Variants in EYS observed in about 807,000 individuals in gnomAD.
EYS encodes protein eyes shut homolog.
Under a neutral mutation model 282.1 loss-of-function variants are expected in EYS, and 250 were observed. The observed-to-expected ratio is 0.89, with a 90% CI of 0.80 to 0.98. The LOEUF is 0.98. EYS is among the 50% of genes least tolerant of loss of function. The probability of loss-of-function intolerance (pLI) is 0.00; values close to 1 mark genes in which losing one functional copy is unlikely to be tolerated. For synonymous variants in EYS, 1,355 were observed against 1,282.9 expected, an observed-to-expected ratio of 1.06 and a Z score of -1.20; for missense variants, 4,016 against 3,709.0, an observed-to-expected ratio of 1.08 and a Z score of -2.15.
chr6:63,870,852 G>T (rs1772783380), intron 35 of EYS, among the ~76,000 whole-genome samples: 1 of 152,152 alleles, frequency 6.6e-6, no homozygotes, highest in Non-Finnish European at 1.5e-5. Flanking sequence ...TAGAGATGAA[G>T]TTAGGTGCAC....
intron 29 of EYS, among the ~76,000 whole-genome samples, chr6:64,327,312 G>A (rs950683348): frequency 1.1e-4 from 17 of 152,072 alleles, no homozygotes; most frequent in African/African-American, 3.9e-4. Context: ...GAGTGAAAGT[G>A]AGAGTGAAAG....
chr6:64,543,591 A>T (rs1255321445), intron 26 of EYS, among the ~76,000 whole-genome samples: 2 of 152,164 alleles, frequency 1.3e-5, no homozygotes, highest in African/African-American at 4.8e-5. Flanking sequence ...AATGTTTGCT[A>T]GTAAAATTAA....
At chr6:63,895,569 T>G (rs2149727745) in intron 35 of EYS, among the ~76,000 whole-genome samples, 1 of 152,356 alleles carries the variant, frequency 6.6e-6, no homozygotes, top group South Asian at 2.1e-4. Flanking sequence ...TTAAGATTAA[T>G]GTTGGGTTTT....
chr6:63,941,316 C>T (rs1036824580), intron 35 of EYS, among the ~76,000 whole-genome samples: 5 of 152,134 alleles, frequency 3.3e-5, no homozygotes, highest in African/African-American at 1.2e-4. Flanking sequence ...TAAAAGTATT[C>T]CTATTTCTCC....
intron 24 of EYS, among the ~76,000 whole-genome samples, chr6:64,599,494 C>T (rs893764883): frequency 2.6e-5 from 4 of 152,056 alleles, no homozygotes; most frequent in Non-Finnish European, 5.9e-5. Context: ...TTAAAGAAGA[C>T]AAGCAAATTT....
At chr6:65,047,454 C>T (rs1398116451) in intron 13 of EYS, among the ~76,000 whole-genome samples, 1 of 151,710 alleles carries the variant, frequency 6.6e-6, no homozygotes, top group Non-Finnish European at 1.5e-5. Flanking sequence ...GCTCTAAGTC[C>T]CAAATATTTT....
chr6:64,349,301 TATA>T (rs1771528619), intron 29 of EYS, among the ~76,000 whole-genome samples: 1 of 151,206 alleles, frequency 6.6e-6, no homozygotes, highest in Non-Finnish European at 1.5e-5. Context: ...ACAAATGACA[TATA>T]ATATGTATTT....
intron 31 of EYS, among the ~76,000 whole-genome samples, chr6:64,153,212 T>C (rs934844611): frequency 5.3e-5 from 8 of 152,140 alleles, no homozygotes; most frequent in African/African-American, 1.9e-4. Flanking sequence ...AGATGTTAAA[T>C]TTTTTGTGCA....
rs981805667 is a variant in EYS at position 65,071,935 on chromosome 6, T to C, written c.2024-14208A>G. Among the ~76,000 whole-genome samples the C allele has an allele frequency of 3.3e-5, 5 of 151,804 alleles. No individual in the cohort carries two copies. The South Asian group carries it at 1.0e-3, about 31-fold the overall frequency. On this transcript the variant is annotated intron_variant, in intron 12 of 42. Coordinates refer to ENST00000503581, the MANE Select transcript of EYS (RefSeq NM_001142800.2). ...CTTGATGAGGAATTGCATCCCTTTT[T>C]GCTCTTTCATCTTCTGAACCTACTA... is the stretch of plus-strand genomic sequence containing the variant.
chr6:64,873,038 A>G (rs1184455400), intron 19 of EYS, among the ~76,000 whole-genome samples: 1 of 152,112 alleles, frequency 6.6e-6, no homozygotes, highest in Non-Finnish European at 1.5e-5. Flanking sequence ...ACAAGGAACT[A>G]AAATAGAGCA....
At chr6:65,652,777 TCA>T (rs1466264212) in intron 1 of EYS, among the ~76,000 whole-genome samples, 1 of 152,058 alleles carries the variant, frequency 6.6e-6, no homozygotes, top group Non-Finnish European at 1.5e-5. Context: ...AGATGAAATA[TCA>T]GTTATCTAAT....
At chr6:63,948,127 A>G (rs2149762749) in intron 35 of EYS, among the ~76,000 whole-genome samples, 1 of 152,330 alleles carries the variant, frequency 6.6e-6, no homozygotes, top group South Asian at 2.1e-4. Flanking sequence ...TCAAAGACAA[A>G]GAAAATGAAA....
Position 63,721,638 on chromosome 6 carries a change from T to A in EYS, c.8393A>T (p.Asp2798Val). The A allele has an allele frequency of 1.3e-6, 2 of 1,551,392 alleles. No individual in the cohort carries two copies. Among genetic ancestry groups the A allele is most frequent in the Non-Finnish European group, 1.7e-6 (2 of 1,146,646 alleles). Residue 2798 changes from aspartate (D) to valine (V), a missense_variant, in exon 43 of 43, where the codon GAT becomes GTT. By Grantham distance (152) the Asp-to-Val change is radical. Transcript: ENST00000503581. The part of the protein sequence containing the change: ...AGRVGAEGYL[D>V]LDGINVTEKA... The stretch of plus-strand genomic sequence containing the variant: ...TTCTGTTACATTTATCCCATCTAGA[T>A]CCAGGTAGCCTTCTGCACCAACTCT...
intron 22 of EYS, among the ~76,000 whole-genome samples, chr6:64,786,737 G>A (rs1408631378): frequency 6.6e-6 from 1 of 152,162 alleles, no homozygotes; most frequent in African/African-American, 2.4e-5. Context: ...AAACTTAAAT[G>A]TCTCTCAACA....
intron 31 of EYS, among the ~76,000 whole-genome samples, chr6:64,192,831 T>C (rs1468075067): frequency 6.6e-6 from 1 of 152,226 alleles, no homozygotes; most frequent in Non-Finnish European, 1.5e-5. Flanking sequence ...AAGTTTGCTT[T>C]TTCCCATGTG....
At chr6:65,113,402 A>G (rs888823545) in intron 12 of EYS, among the ~76,000 whole-genome samples, 14 of 150,388 alleles carry the variant, frequency 9.3e-5, no homozygotes, top group Non-Finnish European at 2.1e-4. Context: ...TAAAAAAAAA[A>G]TTGTATAGGT....
At chr6:63,932,828 A>G (rs114412057) in intron 35 of EYS, among the ~76,000 whole-genome samples, 2,190 of 152,272 alleles carry the variant, frequency 0.014, 47 homozygotes, top group African/African-American at 0.049. Flanking sequence ...TTACCTGGAG[A>G]TAGTATCAGA....
intron 22 of EYS, among the ~76,000 whole-genome samples, chr6:64,755,029 T>C (rs1255280093): frequency 6.6e-6 from 1 of 152,098 alleles, no homozygotes; most frequent in Admixed American, 6.5e-5. Flanking sequence ...GTTGATCTTA[T>C]ACCTAGGAAA....
chr6:65,265,999 G>T (rs1208217805), intron 12 of EYS, among the ~76,000 whole-genome samples: 1 of 151,624 alleles, frequency 6.6e-6, no homozygotes, highest in Non-Finnish European at 1.5e-5. Context: ...GGCCATCAGA[G>T]AATAAAAAAA....
Sources: allele counts gnomAD v4.1 joint callset (sites outside exome capture counted in the v4.1 genomes callset), GRCh38; gene constraint gnomAD v4.1.1; transcripts MANE v1.5; gene names NCBI Gene and HGNC (gene_info 2026-07-23, HGNC 2026-07-21).